Variants in MSRA observed in about 807,000 individuals in gnomAD.
MSRA encodes methionine sulfoxide reductase A.
MSRA carries 54 observed loss-of-function variants against 31.3 expected under a neutral mutation model. The observed-to-expected ratio is 1.73, with a 90% CI of 1.39 to 2.17. The LOEUF (loss-of-function observed/expected upper bound fraction) is 2.17, where lower values mean the gene tolerates loss of function less well. MSRA is among the 30% of genes most tolerant of loss of function. The probability of loss-of-function intolerance (pLI) is 0.00; values close to 1 mark genes in which losing one functional copy is unlikely to be tolerated. For missense variants in MSRA, 507 were observed against 300.9 expected, an observed-to-expected ratio of 1.69 and a Z score of -5.07; for synonymous variants, 169 against 116.5, an observed-to-expected ratio of 1.45 and a Z score of -2.90.
chr8:10,147,785 C>A (rs916024755), intron 1 of MSRA, among the ~76,000 whole-genome samples: 2 of 152,216 alleles, frequency 1.3e-5, no homozygotes, highest in Admixed American at 6.5e-5. Context: ...TGTGGCACCC[C>A]CCACGTCCCA....
chr8:10,160,724 T>G (rs528223354), intron 1 of MSRA, among the ~76,000 whole-genome samples: 1 of 152,150 alleles, frequency 6.6e-6, no homozygotes, highest in South Asian at 2.1e-4. Flanking sequence ...GAGACAGGAT[T>G]TCACCATCTT....
chr8:10,316,447 C>T (rs180795007), intron 4 of MSRA, among the ~76,000 whole-genome samples: 2 of 151,354 alleles, frequency 1.3e-5, no homozygotes, highest in South Asian at 2.1e-4. Flanking sequence ...CAAGTATTTG[C>T]AGAATTGGGT....
At chr8:10,360,396 T>TG (rs1484943489) in intron 5 of MSRA, among the ~76,000 whole-genome samples, 1 of 152,222 alleles carries the variant, frequency 6.6e-6, no homozygotes, top group African/African-American at 2.4e-5. Context: ...TTGGAGTTCT[T>TG]GGGGATACCT....
intron 5 of MSRA, among the ~76,000 whole-genome samples, chr8:10,409,794 G>A (rs1164335231): frequency 6.6e-6 from 1 of 152,282 alleles, no homozygotes; most frequent in East Asian, 1.9e-4. Flanking sequence ...GGGCACAGCG[G>A]CCCATGCCTG....
At chr8:10,358,311 A>T (rs1804628860) in intron 5 of MSRA, among the ~76,000 whole-genome samples, 1 of 152,214 alleles carries the variant, frequency 6.6e-6, no homozygotes, top group South Asian at 2.1e-4. Context: ...TAGTCCCAAT[A>T]ACAATAATAA....
chr8:10,061,534 A>G (rs1474202211), intron 1 of MSRA, among the ~76,000 whole-genome samples: 7 of 152,078 alleles, frequency 4.6e-5, no homozygotes, highest in Admixed American at 1.3e-4. Flanking sequence ...AACTCGCACA[A>G]TCTGTCTCAT....
chr8:10,181,146 C>T (rs1449736312), intron 1 of MSRA, among the ~76,000 whole-genome samples: 2 of 152,146 alleles, frequency 1.3e-5, no homozygotes, highest in Non-Finnish European at 2.9e-5. Flanking sequence ...GGGGACAGAA[C>T]ATAACCTGTA....
chr8:10,341,554 A>G (rs1240423824), intron 5 of MSRA, among the ~76,000 whole-genome samples: 6 of 152,176 alleles, frequency 3.9e-5, no homozygotes, highest in Non-Finnish European at 8.8e-5. Context: ...TTTAAACCAT[A>G]TCAACTCTCT....
At chr8:10,347,423 C>G (rs187429646) in intron 5 of MSRA, among the ~76,000 whole-genome samples, 325 of 152,288 alleles carry the variant, frequency 2.1e-3, no homozygotes, top group Non-Finnish European at 3.5e-3. Context: ...TTGTGATGTC[C>G]TGATTTGTAA....
At chr8:10,141,940 C>T (rs909992759) in intron 1 of MSRA, among the ~76,000 whole-genome samples, 1 of 152,144 alleles carries the variant, frequency 6.6e-6, no homozygotes, top group Non-Finnish European at 1.5e-5. Context: ...CATCAGTACT[C>T]TCCCAATTTT....
At chr8:10,220,323 C>G (rs2129067077) in intron 2 of MSRA, among the ~76,000 whole-genome samples, 1 of 152,260 alleles carries the variant, frequency 6.6e-6, no homozygotes, top group East Asian at 1.9e-4. Context: ...AGGTCCCACC[C>G]TATATCCTTC....
chr8:10,145,420 G>A lies in MSRA; in HGVS notation c.143-62413G>A, dbSNP rs555766079. ...TTAATCCATGTTAAGGCAGCATCTC[G>A]CTTGTTGATTCAGGCTGTGTTTTAG... is the stretch of plus-strand genomic sequence containing the variant. On this transcript the variant is annotated intron_variant, in intron 1 of 5. Transcript: ENST00000317173. Among the ~76,000 whole-genome samples, 39 of 152,218 alleles carry A rather than the reference G, an allele frequency of 2.6e-4. No homozygotes were observed. In the South Asian group the frequency reaches 6.0e-3, roughly 23 times the overall value.
intron 5 of MSRA, among the ~76,000 whole-genome samples, chr8:10,426,574 T>G (rs913882543): frequency 4.6e-5 from 7 of 152,224 alleles, no homozygotes; most frequent in Non-Finnish European, 8.8e-5. Context: ...TCGTGTGAGT[T>G]TCTCTGATTG....
At chr8:10,098,984 C>T (rs1185076926) in intron 1 of MSRA, among the ~76,000 whole-genome samples, 5 of 152,190 alleles carry the variant, frequency 3.3e-5, no homozygotes, top group African/African-American at 4.8e-5. Flanking sequence ...GATAAGGCCC[C>T]TCCCACATCC....
At chr8:10,389,857 C>A (rs1026587678) in intron 5 of MSRA, among the ~76,000 whole-genome samples, 1 of 144,908 alleles carries the variant, frequency 6.9e-6, no homozygotes, top group African/African-American at 2.5e-5. Context: ...TACAACCACA[C>A]ACTGTTGCCT....
At position 10,410,210 on chromosome 8, in the gene MSRA, C is replaced by T. The variant is rs141918960; in HGVS notation, c.544-17938C>T. ...TGTGACATGGAGTATGCATGTGTGGCGGGGACGCTTGGCCAGGAGCCACCA... is the reference window on the plus strand; with the variant it reads ...TGTGACATGGAGTATGCATGTGTGGTGGGGACGCTTGGCCAGGAGCCACCA... On this transcript the variant is annotated intron_variant, in intron 5 of 5. Coordinates refer to ENST00000317173, the MANE Select transcript of MSRA (RefSeq NM_012331.5). Among the ~76,000 whole-genome samples, 68 of 152,266 alleles carry T rather than the reference C, an allele frequency of 4.5e-4. No individual in the cohort carries two copies. The East Asian group carries it at 0.012, about 26-fold the overall frequency.
At chr8:10,396,196 G>C (rs758168518) in intron 5 of MSRA, among the ~76,000 whole-genome samples, 1 of 152,144 alleles carries the variant, frequency 6.6e-6, no homozygotes, top group African/African-American at 2.4e-5. Flanking sequence ...TTTGTCCTTG[G>C]TACAAGGCCA....
intron 1 of MSRA, among the ~76,000 whole-genome samples, chr8:10,086,044 A>T (rs1351844037): frequency 6.6e-6 from 1 of 152,150 alleles, no homozygotes; most frequent in African/African-American, 2.4e-5. Context: ...TTGTGAGCCC[A>T]TGTCTTCATT....
intron 5 of MSRA, among the ~76,000 whole-genome samples, chr8:10,407,961 T>C (rs192236602): frequency 6.6e-6 from 1 of 152,218 alleles, no homozygotes; most frequent in African/African-American, 2.4e-5. Context: ...TTGAGTAGGT[T>C]AATAGGATTG....
Sources: gnomAD v4.1 joint callset for allele counts (sites outside exome capture counted in the v4.1 genomes callset) on GRCh38, gnomAD v4.1.1 for gene constraint, MANE v1.5 for transcripts, NCBI Gene and HGNC (gene_info 2026-07-23, HGNC 2026-07-21) for gene names.